Variants in DGKA observed in about 807,000 individuals in gnomAD.
DGKA encodes the protein diacylglycerol kinase alpha.
In DGKA, 35 loss-of-function variants were observed where a neutral mutation model predicts 105.0. The ratio of observed to expected loss-of-function variants is 0.33; its 90% CI spans 0.25 to 0.44. The LOEUF (loss-of-function observed/expected upper bound fraction) is 0.44. Ranked by LOEUF, DGKA falls within the 20% of genes least tolerant of loss-of-function variation. The pLI is 1.00. For synonymous variants in DGKA, 296 were observed against 332.0 expected, an observed-to-expected ratio of 0.89 and a Z score of 1.18; for missense variants, 665 against 915.0, an observed-to-expected ratio of 0.73 and a Z score of 3.53.
In DGKA at chr12:55,940,365, C is replaced by T. The variant is rs562271592; in HGVS notation, c.850C>T (p.Arg284Cys). 3 of 1,614,238 alleles carry T rather than the reference C, an allele frequency of 1.9e-6. No individual in the cohort carries two copies. The African/African-American group carries it at 4.0e-5, about 22-fold the overall frequency. The stretch of plus-strand genomic sequence containing the variant: ...AGGCTGTGAGTCCGGGCGCTGCGAC[C>T]GCTGTCAGAAAAAGATCCGGATCTA... ...RGGCESGRCD[R>C]CQKKIRIYHS... The change falls in exon 11 of 24, where the codon CGC becomes TGC. Residue 284 changes from arginine to cysteine, a missense_variant. By Grantham distance (180) the Arg-to-Cys change is radical. This residue lies in a region of DGKA where 504 missense variants were observed against 681.2 expected (regional missense o/e 0.74). Transcript: ENST00000331886. This position sits in a 1 kb window ranked among gnomAD's most constrained non-coding sequence, Gnocchi z 4.3.
In DGKA at chr12:55,937,903, G is replaced by A. The variant is rs1885088186; in HGVS notation, c.275-75G>A. ...ATCTTTTTTTTAAAAAAAGGGAGAG[G>A]TGGGACAAACAAAGGATAAAACATG... On this transcript the variant is annotated intron_variant, in intron 4 of 23. Coordinates refer to ENST00000331886, the MANE Select transcript of DGKA (RefSeq NM_001345.5). The A allele has an allele frequency of 4.6e-5, 60 of 1,316,626 alleles. 2 individuals carry two copies. The South Asian group carries it at 6.7e-4, about 15-fold the overall frequency. 81.6% of individuals were successfully genotyped at this position (1,316,626 alleles called of 1,614,324 possible). A position where few individuals can be genotyped will look rare whatever the true frequency, so the allele number is the denominator to read the frequency against.
rs1455809770 is a variant in DGKA, at chr12:55,936,645, C to T, written c.64+78C>T. On this transcript the variant is annotated intron_variant, in intron 2 of 23. Transcript: ENST00000331886. Reference sequence around the variant, plus strand: ...CTCCTCCTCCTCATTACACCCCCTGCCCCCCAGCTTCCTCAGTGGCTTTGA... The same window carrying T: ...CTCCTCCTCCTCATTACACCCCCTGTCCCCCAGCTTCCTCAGTGGCTTTGA... 3.8e-6 allele frequency: 6 copies of T among 1,586,130 alleles called. No homozygotes were observed. The Admixed American group carries it at 5.1e-5, about 14-fold the overall frequency.
chr12:55,951,600 T>A (rs1310564868), intron 17 of DGKA, 23 bp from the exon 18 acceptor site: 1 of 1,611,498 alleles, frequency 6.2e-7, no homozygotes, highest in East Asian at 2.2e-5. Flanking sequence ...AGCTCAGTGC[T>A]AACCTGTCTT....
chr12:55,940,780 GCA>G lies in DGKA; in HGVS notation c.1017+61_1017+62del, dbSNP rs1565743411. On this transcript the variant is annotated intron_variant, in intron 12 of 23. Transcript: ENST00000331886. This position sits in a 1 kb window ranked among gnomAD's most constrained non-coding sequence, Gnocchi z 4.3. ...GGAGTGCCTCCCCGATTTCCCACAC[GCA>G]CAGAGTGGCATTTAGAATAGAGAGC... 2 of 1,592,732 alleles carry G rather than the reference GCA, an allele frequency of 1.3e-6. No homozygotes were observed. Among genetic ancestry groups the G allele is most frequent in the South Asian group, 1.1e-5 (1 of 90,670 alleles).
Position 55,937,420 on chromosome 12 carries a change from G to A in DGKA, c.151G>A (p.Glu51Lys), listed in dbSNP as rs757418149. 13 of 1,614,068 alleles carry A rather than the reference G, an allele frequency of 8.1e-6. No individual in the cohort carries two copies. The highest frequency in any genetic ancestry group is 1.1e-5 in the Non-Finnish European group (13 of 1,179,974). The change falls in exon 4 of 24, where the codon GAG (glutamate) becomes AAG (lysine). Residue 51 changes from glutamate (E) to lysine (K), a missense_variant. Glu to Lys is a moderately conservative substitution (Grantham distance 56). Around this residue, in one of 3 missense-constraint regions of DGKA, gnomAD observed 504 missense variants for 681.2 expected, o/e 0.74. Coordinates refer to ENST00000331886, the MANE Select transcript of DGKA (RefSeq NM_001345.5). ...KYVQGDAIGY[E>K]GFQQFLKIYL... ...ACTCTCATTATAGGCCATTGGGTAC[G>A]AGGGATTCCAGCAATTCCTGAAAAT...
chr12:55,938,099 A>G (rs762152288), intron 5 of DGKA, 47 bp downstream of exon 5: 2 of 1,530,994 alleles, frequency 1.3e-6, no homozygotes, highest in Non-Finnish European at 9.0e-7. Context: ...GAAGGGAGAG[A>G]GAGGTGTTTC....
chr12:55,927,937 G>T, upstream of DGKA: 1 of 738,662 alleles, frequency 1.4e-6, no homozygotes, highest in Non-Finnish European at 2.1e-6. Flanking sequence ...CAGGGTGAAA[G>T]CTTCTGGGCG....
rs112596142 is a variant in DGKA at position 55,938,299 on chromosome 12, T to C, written c.350-212T>C. 1,021 of 708,962 alleles carry C rather than the reference T, an allele frequency of 1.4e-3. 13 individuals carry two copies. The African/African-American group carries it at 0.017, about 12-fold the overall frequency. 43.9% of individuals were successfully genotyped at this position (708,962 alleles called of 1,614,324 possible). On this transcript the variant is annotated intron_variant, in intron 5 of 23. Transcript: ENST00000331886. ...GGCGGCCTAGGATGTCCTTGGGATA[T>C]GGATTATGTATTGTCTCCCCTGACA... is the stretch of plus-strand genomic sequence containing the variant.
In DGKA at chr12:55,940,326, G is replaced by A. The variant is rs146622336; in HGVS notation, c.811G>A (p.Val271Met). ...SRKDIGVQSH[V>M]WVRGGCESGR... ...CTTTCTCCCCAAGGTCCAATCACAT[G>A]TGTGGGTGCGAGGAGGCTGTGAGTC... The change falls in exon 11 of 24, where the codon GTG becomes ATG. Residue 271 changes from valine to methionine, a missense_variant. Val to Met is a conservative substitution (Grantham distance 21). This residue lies in a region of DGKA where 504 missense variants were observed against 681.2 expected (regional missense o/e 0.74). Transcript: ENST00000331886. This position sits in a 1 kb window ranked among gnomAD's most constrained non-coding sequence, Gnocchi z 4.3. The A allele has an allele frequency of 6.2e-7, 1 of 1,614,114 alleles. No homozygotes were observed. The highest frequency in any genetic ancestry group is 1.3e-5 in the African/African-American group (1 of 74,936).
chr12:55,948,982 A>T (rs1296915469), intron 17 of DGKA, among the ~76,000 whole-genome samples: 1 of 151,720 alleles, frequency 6.6e-6, no homozygotes, highest in African/African-American at 2.4e-5. Context: ...AGATCATGCC[A>T]CTGCACTCTA....
At position 55,932,742 on chromosome 12, in the gene DGKA, A is replaced by C. The variant is rs1451737012; in HGVS notation, c.-82+1398A>C. On this transcript the variant is annotated intron_variant, in intron 1 of 23. Transcript: ENST00000331886. The surrounding 1 kb of genome is among the most constrained non-coding windows in gnomAD (Gnocchi z 4.3). ...ACACACACACACACACACACACACA[A>C]CCCCCTCAGCCAGGTGTAGCACTGC... The C allele has an allele frequency of 1.8e-5, 9 of 499,450 alleles. No individual in the cohort carries two copies. Among genetic ancestry groups the C allele is most frequent in the Admixed American group, 6.2e-5 (2 of 32,340 alleles). 30.9% of individuals were successfully genotyped at this position (499,450 alleles called of 1,614,324 possible).
chr12:55,941,394 A>C lies in DGKA; in HGVS notation c.1175+69A>C. On this transcript the variant is annotated intron_variant, in intron 14 of 23. Transcript: ENST00000331886. ...CTGCCTGCAACACTTAGAAGGTGGA[A>C]GGGGATGTGTGTGTCTGGAGGGGCA... is the stretch of plus-strand genomic sequence containing the variant. 5 of 1,590,568 alleles carry C rather than the reference A, an allele frequency of 3.1e-6. No homozygotes were observed. In the South Asian group the frequency reaches 4.4e-5, roughly 14 times the overall value.
intron 1 of DGKA, chr12:55,935,772 C>T: frequency 1.6e-6 from 1 of 632,366 alleles, no homozygotes; most frequent in Non-Finnish European, 2.0e-6. Flanking sequence ...TGGAGCTCCG[C>T]GGAACGCAGT....
intron 1 of DGKA, among the ~76,000 whole-genome samples, chr12:55,933,070 A>T (rs772167138): frequency 6.6e-6 from 1 of 152,214 alleles, no homozygotes; most frequent in Non-Finnish European, 1.5e-5. Flanking sequence ...ATACTAACAC[A>T]GGCTTTGGAA....
At chr12:55,951,950 G>A in intron 18 of DGKA, 85 bp from the exon 19 acceptor site, 1 of 1,530,330 alleles carries the variant, frequency 6.5e-7, no homozygotes, top group Non-Finnish European at 9.0e-7. Context: ...ATGCTGTGGG[G>A]AGCAGCATGG....
chr12:55,941,863 A>C, intron 15 of DGKA, 135 bp from the exon 16 acceptor site: 1 of 974,924 alleles, frequency 1.0e-6, no homozygotes, highest in Non-Finnish European at 1.6e-6. Flanking sequence ...TGTGACCTTC[A>C]TAGAAACTCA....
Position 55,952,559 on chromosome 12 carries a change from A to T in DGKA, c.1743+128A>T. On this transcript the variant is annotated intron_variant, in intron 20 of 23. Transcript: ENST00000331886. This position sits in a 1 kb window ranked among gnomAD's most constrained non-coding sequence, Gnocchi z 5.1. The stretch of plus-strand genomic sequence containing the variant: ...GCTTCTTTAACCTCCCAGCTCTCCT[A>T]CCCCAATTCTCCAAGTCCTCAAGAT... 8.4e-7 allele frequency: 1 copy of T among 1,183,834 alleles called. No homozygotes were observed. The highest frequency in any genetic ancestry group is 1.2e-6 in the Non-Finnish European group (1 of 807,388). The allele number at this position is 1,183,834 out of a possible 1,614,324, so 73.3% of individuals were successfully genotyped here.
At chr12:55,943,761 A>G (rs1300645356) in intron 17 of DGKA, among the ~76,000 whole-genome samples, 2 of 152,160 alleles carry the variant, frequency 1.3e-5, no homozygotes, top group Non-Finnish European at 2.9e-5. Context: ...AGTGCTCATT[A>G]TAACTTGTTT....
upstream of DGKA, chr12:55,927,841 G>C: frequency 6.6e-7 from 1 of 1,503,782 alleles, no homozygotes; most frequent in Admixed American, 2.1e-5. Context: ...GGGATTCGGC[G>C]GCGAAGTGAT....
Sources: gnomAD v4.1 joint callset for allele counts (sites outside exome capture counted in the v4.1 genomes callset) on GRCh38, gnomAD v4.1.1 for gene constraint, gnomAD v4.1.1 regional missense constraint, Gnocchi (gnomAD v3.1) non-coding constraint, MANE v1.5 for transcripts, NCBI Gene and HGNC (gene_info 2026-07-23, HGNC 2026-07-21) for gene names.